GRIA4: variants seen among roughly 807,000 people sequenced by gnomAD.
The protein encoded by GRIA4 is glutamate receptor 4.
A neutral mutation model predicts 104.0 loss-of-function variants in GRIA4; 34 were observed. The ratio of observed to expected loss-of-function variants is 0.33; its 90% confidence interval spans 0.25 to 0.44. GRIA4 has a LOEUF of 0.44. Ranked by LOEUF, GRIA4 falls within the 20% of genes least tolerant of loss-of-function variation. GRIA4 has a pLI of 1.00. For missense variants in GRIA4, 750 were observed against 1,096.5 expected, an observed-to-expected ratio of 0.68 and a Z score of 4.46; for synonymous variants, 386 against 381.9, an observed-to-expected ratio of 1.01 and a Z score of -0.13.
chr11:105,794,578 A>C (rs12787529), intron 4 of GRIA4, among the ~76,000 whole-genome samples: 6 of 143,464 alleles, frequency 4.2e-5, no homozygotes, highest in African/African-American at 1.0e-4. Flanking sequence ...ATCTATCTAT[A>C]TATATCTCTC....
At chr11:105,704,701 C>T (rs192528133) in intron 3 of GRIA4, among the ~76,000 whole-genome samples, 1 of 151,966 alleles carries the variant, frequency 6.6e-6, no homozygotes, top group Non-Finnish European at 1.5e-5. Context: ...CTAGAATAAA[C>T]TTAAAAAGAA....
chr11:105,798,540 A>C (rs1441425744), intron 4 of GRIA4, among the ~76,000 whole-genome samples: 1 of 152,150 alleles, frequency 6.6e-6, no homozygotes, highest in African/African-American at 2.4e-5. Flanking sequence ...TAAGAAAAGG[A>C]GTGACATAAT....
chr11:105,895,497 T>A (rs1235883003), intron 6 of GRIA4, among the ~76,000 whole-genome samples: 1 of 151,840 alleles, frequency 6.6e-6, no homozygotes, highest in Non-Finnish European at 1.5e-5. Flanking sequence ...AAAAGACAGA[T>A]AATTGGTAGA....
chr11:105,972,554 C>A (rs185007174), intron 15 of GRIA4, among the ~76,000 whole-genome samples: 1 of 152,162 alleles, frequency 6.6e-6, no homozygotes, highest in Admixed American at 6.6e-5. Context: ...ACAGAGTGAA[C>A]CTTTCAATTC....
At chr11:105,930,478 A>T (rs1331460517) in intron 13 of GRIA4, among the ~76,000 whole-genome samples, 1 of 152,130 alleles carries the variant, frequency 6.6e-6, no homozygotes, top group Non-Finnish European at 1.5e-5. Flanking sequence ...GGATTAGTTC[A>T]ACTTATTTTG....
intron 11 of GRIA4, among the ~76,000 whole-genome samples, chr11:105,923,277 C>A (rs1947617791): frequency 6.6e-6 from 1 of 152,130 alleles, no homozygotes; most frequent in South Asian, 2.1e-4. Flanking sequence ...TTAGTTTTCA[C>A]ACTACACTTG....
intron 4 of GRIA4, among the ~76,000 whole-genome samples, chr11:105,794,680 T>G (rs1231290890): frequency 6.7e-6 from 1 of 150,238 alleles, no homozygotes; most frequent in Non-Finnish European, 1.5e-5. Context: ...AGGGATTCAA[T>G]GATAAGACAG....
intron 5 of GRIA4, among the ~76,000 whole-genome samples, chr11:105,877,223 T>C (rs532856245): frequency 1.3e-5 from 2 of 152,208 alleles, no homozygotes; most frequent in Non-Finnish European, 2.9e-5. Context: ...TTTAAGAATG[T>C]TGAATATTGA....
At chr11:105,707,416 AC>A (rs1591112201) in intron 3 of GRIA4, 2 of 152,330 alleles carry the variant, frequency 1.3e-5, no homozygotes, top group East Asian at 1.9e-4. Context: ...ATCTGGGGAA[AC>A]TTTTAGATGG....
At chr11:105,869,930 T>C (rs1782400590) in intron 5 of GRIA4, among the ~76,000 whole-genome samples, 1 of 152,016 alleles carries the variant, frequency 6.6e-6, no homozygotes, top group Non-Finnish European at 1.5e-5. Context: ...TAGTGTAATT[T>C]TTACCAAAAT....
chr11:105,737,333 C>A (rs1017515981), intron 3 of GRIA4, among the ~76,000 whole-genome samples: 5 of 151,964 alleles, frequency 3.3e-5, no homozygotes, highest in Non-Finnish European at 7.4e-5. Context: ...TTGACTAGTT[C>A]AATTATTATA....
intron 14 of GRIA4, among the ~76,000 whole-genome samples, chr11:105,950,552 A>T (rs949382697): frequency 2.0e-3 from 40 of 20,204 alleles, no homozygotes; most frequent in Non-Finnish European, 2.3e-3. Context: ...GTATGTATGA[A>T]AAAAAAGACA....
chr11:105,775,046 GCCT>G (rs1941390244), intron 4 of GRIA4, among the ~76,000 whole-genome samples: 1 of 152,104 alleles, frequency 6.6e-6, no homozygotes, highest in Non-Finnish European at 1.5e-5. Context: ...CCATTTCTCT[GCCT>G]CCTCAGGCTT....
chr11:105,969,577 A>G (rs1858574772), intron 14 of GRIA4, among the ~76,000 whole-genome samples: 1 of 152,126 alleles, frequency 6.6e-6, no homozygotes, highest in Non-Finnish European at 1.5e-5. Flanking sequence ...CTTATTCACA[A>G]TTTTGCCTTC....
chr11:105,960,504 A>C (rs1446159125), intron 14 of GRIA4, among the ~76,000 whole-genome samples: 1 of 152,168 alleles, frequency 6.6e-6, no homozygotes, highest in Non-Finnish European at 1.5e-5. Context: ...GCAGGGGAAA[A>C]GCACAGCCTG....
intron 3 of GRIA4, among the ~76,000 whole-genome samples, chr11:105,711,970 G>A (rs985979982): frequency 3.9e-5 from 6 of 152,036 alleles, no homozygotes; most frequent in African/African-American, 1.4e-4. Context: ...GAAAATAATT[G>A]GCAGGAAATA....
At chr11:105,906,761 T>C (rs934820170) in intron 9 of GRIA4, among the ~76,000 whole-genome samples, 12 of 151,950 alleles carry the variant, frequency 7.9e-5, no homozygotes, top group Non-Finnish European at 1.0e-4. Flanking sequence ...TCTAAGGAGA[T>C]TGACTGAAGC....
chr11:105,655,212 G>A (rs1432144163), intron 3 of GRIA4, among the ~76,000 whole-genome samples: 1 of 152,076 alleles, frequency 6.6e-6, no homozygotes, highest in Non-Finnish European at 1.5e-5. Context: ...GATTATTAGT[G>A]TGATTCGAAT....
At chr11:105,920,801 A>G (rs1947537023) in intron 11 of GRIA4, among the ~76,000 whole-genome samples, 1 of 152,140 alleles carries the variant, frequency 6.6e-6, no homozygotes, top group African/African-American at 2.4e-5. Flanking sequence ...AAAGACTCCA[A>G]TCTCTGATGC....
Sources: allele counts gnomAD v4.1 joint callset (sites outside exome capture counted in the v4.1 genomes callset), GRCh38; gene constraint gnomAD v4.1.1; transcripts MANE v1.5; gene names NCBI Gene and HGNC (gene_info 2026-07-23, HGNC 2026-07-21).